The following DNAJC19 variants were observed in gnomAD, a reference collection of about 807,000 sequenced individuals.
The protein encoded by DNAJC19 is mitochondrial import inner membrane translocase subunit TIM14.
A neutral mutation model predicts 19.8 loss-of-function variants in DNAJC19; 15 were observed. The observed-to-expected ratio is 0.76, with a 90% confidence interval of 0.51 to 1.17. DNAJC19 has a LOEUF of 1.17. DNAJC19 is among the 50% of genes most tolerant of loss of function. The pLI is 0.00. For synonymous variants in DNAJC19, 38 were observed against 42.1 expected (o/e 0.90, Z 0.38); for missense variants, 105 against 140.9 (o/e 0.75, Z 1.29).
Position 180,989,606 on chromosome 3 carries a change from T to C in DNAJC19, c.-4A>G. On this transcript the variant is annotated 5_prime_UTR_variant, in exon 1 of 6. Coordinates refer to ENST00000382564, the MANE Select transcript of DNAJC19 (RefSeq NM_145261.4). ...ACCGGAAGGCCGCACTCACCATGGC[T>C]CCGGCTGGGCTCCCTTGCTTCCACC... 6.3e-7 allele frequency: 1 copy of C among 1,587,420 alleles called. No individual in the cohort carries two copies. Among genetic ancestry groups the C allele is most frequent in the Non-Finnish European group, 8.6e-7 (1 of 1,167,270 alleles).
intron 4 of DNAJC19, chr3:180,986,685 C>T: frequency 2.2e-6 from 1 of 456,004 alleles, no homozygotes; most frequent in Non-Finnish European, 3.9e-6. Context: ...GAAAAAGTGC[C>T]TGTGTTTTAG....
intron 3 of DNAJC19, 114 bp from the exon 4 acceptor site, chr3:180,987,136 T>C (rs1475241792): frequency 1.1e-6 from 1 of 900,328 alleles, no homozygotes; most frequent in African/African-American, 1.7e-5. Context: ...AGAGGACTTT[T>C]AGTGCAATTC....
intron 1 of DNAJC19, chr3:180,989,267 T>A: frequency 2.3e-6 from 3 of 1,294,452 alleles, no homozygotes; most frequent in Non-Finnish European, 3.0e-6. Context: ...GAAGATGTGT[T>A]AGGGCAAGGG....
At chr3:180,985,885 G>T (rs1714876680) in intron 5 of DNAJC19, 41 bp downstream of exon 5, 1 of 1,529,766 alleles carries the variant, frequency 6.5e-7, no homozygotes, top group Non-Finnish European at 9.1e-7. Flanking sequence ...ATAACTATTG[G>T]TCACACCAAC....
intron 3 of DNAJC19, chr3:180,987,233 T>C: frequency 3.4e-6 from 2 of 583,646 alleles, no homozygotes; most frequent in Non-Finnish European, 6.1e-6. Context: ...GATTCATTTT[T>C]TTCCAGTCAA....
At position 180,986,899 on chromosome 3, in the gene DNAJC19, CTACAGTGGTAGAA is replaced by C. The variant is rs779207919; in HGVS notation, c.209+31_209+43del. 10 of 1,507,026 alleles carry C rather than the reference CTACAGTGGTAGAA, an allele frequency of 6.6e-6. No homozygotes were observed. In the East Asian group the frequency reaches 2.3e-4, roughly 34 times the overall value. 93.4% of individuals were successfully genotyped at this position (1,507,026 alleles called of 1,614,324 possible). A position where few individuals can be genotyped will look rare whatever the true frequency, so the allele number is the denominator to read the frequency against. ...GTCTTTCTTATATTTCCTCATGGCT[CTACAGTGGTAGAA>C]AAATGCTAAAAATATTAGAGATTAT... On this transcript the variant is annotated intron_variant, in intron 4 of 5. Transcript: ENST00000382564.
rs980053259 is a variant in DNAJC19 at position 180,986,351 on chromosome 3, G to A, written c.210-355C>T. Among the ~76,000 whole-genome samples, 7 of 148,028 alleles carry A rather than the reference G, an allele frequency of 4.7e-5. No individual in the cohort carries two copies. In the South Asian group the frequency reaches 6.7e-4, roughly 14 times the overall value. ...GGCTGGAGTGCAGTGGCTTGATCTT[G>A]GTTCACTGCAACCTCGGCCTCCCGG... On this transcript the variant is annotated intron_variant, in intron 4 of 5. Transcript: ENST00000382564.
rs11547440 is a variant in DNAJC19, at chr3:180,984,143, G to T, written c.*497C>A. On this transcript the variant is annotated 3_prime_UTR_variant, in exon 6 of 6. Transcript: ENST00000382564. ...GGTCAATTTCTTAGGTCTCAGTTGT[G>T]GTTAAATTCACTTTTAAATACAAGG... 2.2e-6 allele frequency: 1 copy of T among 453,988 alleles called. No individual in the cohort carries two copies. The highest frequency in any genetic ancestry group is 1.6e-5 in the South Asian group (1 of 64,472). 28.1% of individuals were successfully genotyped at this position (453,988 alleles called of 1,614,324 possible).
At chr3:180,985,072 T>TA (rs1056981177) in intron 5 of DNAJC19, among the ~76,000 whole-genome samples, 41 of 152,276 alleles carry the variant, frequency 2.7e-4, no homozygotes, top group African/African-American at 9.6e-4. Context: ...ACATCAATTA[T>TA]ACCATGTTAT....
At chr3:180,986,331 G>C (rs983248160) in intron 4 of DNAJC19, among the ~76,000 whole-genome samples, 5 of 151,544 alleles carry the variant, frequency 3.3e-5, no homozygotes, top group African/African-American at 1.2e-4. Context: ...CCCTAGGCTG[G>C]AGTGCAGTGG....
chr3:180,984,602 TAAACTA>T lies in DNAJC19; in HGVS notation c.*32_*37del, dbSNP rs1279295143. 4.1e-6 allele frequency: 6 copies of T among 1,469,038 alleles called. No individual in the cohort carries two copies. Among genetic ancestry groups the T allele is most frequent in the Non-Finnish European group, 5.7e-6 (6 of 1,061,700 alleles). 91.0% of individuals were successfully genotyped at this position (1,469,038 alleles called of 1,614,324 possible). A position where few individuals can be genotyped will look rare whatever the true frequency, so the allele number is the denominator to read the frequency against. The stretch of plus-strand genomic sequence containing the variant: ...TATAAAAACTTAGTACTCATATACA[TAAACTA>T]ATACGAACTTAAAATTCATCATACA... On this transcript the variant is annotated 3_prime_UTR_variant, in exon 6 of 6. Coordinates refer to ENST00000382564, the MANE Select transcript of DNAJC19 (RefSeq NM_145261.4).
chr3:180,984,796 A>G (rs1714815435), intron 5 of DNAJC19, 86 bp from the exon 6 acceptor site: 10 of 927,272 alleles, frequency 1.1e-5, no homozygotes, highest in Non-Finnish European at 1.7e-5. Context: ...CAAGGACTCC[A>G]ATGCTTATCT....
rs779828048 is a variant in DNAJC19 at position 180,988,111 on chromosome 3, A to T, written c.56-15T>A. The T allele has an allele frequency of 6.2e-7, 1 of 1,614,208 alleles. No homozygotes were observed. The highest frequency in any genetic ancestry group is 8.5e-7 in the Non-Finnish European group (1 of 1,180,038). ...AACGTAACGGCCTAAAACCAAAAGCAACAGAATAAGTAAACTAAATCTCCA... is the reference window on the plus strand; with the variant it reads ...AACGTAACGGCCTAAAACCAAAAGCTACAGAATAAGTAAACTAAATCTCCA... On this transcript the variant is annotated splice_polypyrimidine_tract_variant and intron_variant, in intron 2 of 5. Transcript: ENST00000382564.
At chr3:180,989,193 A>C (rs1458041036) in intron 1 of DNAJC19, 8 of 586,710 alleles carry the variant, frequency 1.4e-5, no homozygotes, top group Non-Finnish European at 1.4e-5. Context: ...TTCAGGAAGC[A>C]TGGAGAAGAC....
chr3:180,989,370 G>T, intron 1 of DNAJC19: 1 of 1,426,378 alleles, frequency 7.0e-7, no homozygotes, highest in Non-Finnish European at 9.1e-7. Context: ...TGCAGAGCCC[G>T]TGCGGACAAG....
chr3:180,987,074 TA>T, intron 3 of DNAJC19, 52 bp from the exon 4 acceptor site: 1 of 1,505,366 alleles, frequency 6.6e-7, no homozygotes, highest in Non-Finnish European at 9.2e-7. Context: ...AAAGTTGCTT[TA>T]AAAAAGACGT....
chr3:180,988,176 A>G lies in DNAJC19; in HGVS notation c.55+2T>C. 6.2e-7 allele frequency: 1 copy of G among 1,614,008 alleles called. No individual in the cohort carries two copies. The highest frequency in any genetic ancestry group is 8.5e-7 in the Non-Finnish European group (1 of 1,179,996). ...ACTTCCATCCCCAAACCATAAACAA[A>G]CCTGCAAATCCTGCAGCAGCAATGG... is the stretch of plus-strand genomic sequence containing the variant. On this transcript the variant is annotated splice_donor_variant, in intron 2 of 5. Coordinates refer to ENST00000382564, the MANE Select transcript of DNAJC19 (RefSeq NM_145261.4). LOFTEE classifies it high-confidence loss of function.
chr3:180,984,760 T>C, intron 5 of DNAJC19, 50 bp from the exon 6 acceptor site: 1 of 1,380,622 alleles, frequency 7.2e-7, no homozygotes, highest in Non-Finnish European at 1.0e-6. Context: ...TCTCAATTTC[T>C]GCTTGGTAAA....
chr3:180,986,735 G>C, intron 4 of DNAJC19: 1 of 573,338 alleles, frequency 1.7e-6, no homozygotes, highest in Non-Finnish European at 3.1e-6. Flanking sequence ...TTAAGTGCTA[G>C]TGTGCCTTCT....
Sources: allele counts gnomAD v4.1 joint callset (sites outside exome capture counted in the v4.1 genomes callset), GRCh38; gene constraint gnomAD v4.1.1; transcripts MANE v1.5; gene names NCBI Gene and HGNC (gene_info 2026-07-23, HGNC 2026-07-21).